The following PPFIA2 variants were observed in gnomAD, a reference collection of about 807,000 sequenced individuals.
PPFIA2 encodes the protein PPFI scaffold protein A2.
PPFIA2 carries 46 observed loss-of-function variants against 175.5 expected under a neutral mutation model. The ratio of observed to expected loss-of-function variants is 0.26; its 90% CI spans 0.21 to 0.34. PPFIA2 has a LOEUF of 0.34. Among genes scored for constraint, PPFIA2 ranks in the 10% least tolerant of loss-of-function variants. The pLI, the probability that PPFIA2 is intolerant of heterozygous loss-of-function variation, is 1.00. For synonymous variants in PPFIA2, 568 were observed against 511.4 expected (o/e 1.11, Z -1.49); for missense variants, 1,179 against 1,506.1 (o/e 0.78, Z 3.60).
chr12:81,578,711 G>C (rs947248213), intron 4 of PPFIA2, among the ~76,000 whole-genome samples: 1 of 151,596 alleles, frequency 6.6e-6, no homozygotes, highest in South Asian at 2.1e-4. Context: ...TAGTGAGAGC[G>C]TAGTTAAATA....
chr12:81,603,201 T>C (rs1389722577), intron 4 of PPFIA2, among the ~76,000 whole-genome samples: 1 of 151,836 alleles, frequency 6.6e-6, no homozygotes, highest in East Asian at 1.9e-4. Context: ...GGGAGAATAT[T>C]GCCTCACTCA....
intron 3 of PPFIA2, among the ~76,000 whole-genome samples, chr12:81,685,686 G>A (rs1421363611): frequency 1.3e-5 from 2 of 152,008 alleles, no homozygotes; most frequent in African/African-American, 4.8e-5. Flanking sequence ...ACATGAGGAA[G>A]AATTTTGAGA....
intron 24 of PPFIA2, among the ~76,000 whole-genome samples, chr12:81,293,213 A>C (rs893973660): frequency 1.3e-5 from 2 of 152,068 alleles, no homozygotes; most frequent in African/African-American, 4.8e-5. Context: ...TATCAGAAAT[A>C]ATATACTTTA....
chr12:81,324,678 A>G (rs917050023), intron 22 of PPFIA2, among the ~76,000 whole-genome samples: 2 of 152,008 alleles, frequency 1.3e-5, no homozygotes, highest in African/African-American at 4.8e-5. Context: ...TAATATTTAA[A>G]TATATTTTTG....
chr12:81,531,524 C>T (rs1364498351), intron 4 of PPFIA2, among the ~76,000 whole-genome samples: 6 of 151,550 alleles, frequency 4.0e-5, no homozygotes, highest in Non-Finnish European at 8.8e-5. Context: ...ATAAATAGAT[C>T]ACATTTAGTC....
intron 28 of PPFIA2, among the ~76,000 whole-genome samples, chr12:81,270,441 A>G (rs1035277356): frequency 2.0e-5 from 3 of 152,206 alleles, no homozygotes; most frequent in Admixed American, 6.5e-5. Context: ...GAAATGATCA[A>G]TTAAAATGAG....
intron 4 of PPFIA2, among the ~76,000 whole-genome samples, chr12:81,581,105 GAA>G (rs1191621146): frequency 6.7e-6 from 1 of 149,252 alleles, no homozygotes. Flanking sequence ...GGCACAGAAA[GAA>G]AGTGTTAGAA....
intron 4 of PPFIA2, among the ~76,000 whole-genome samples, chr12:81,571,958 G>T (rs116222686): frequency 0.01 from 1,596 of 152,084 alleles, 33 homozygotes; most frequent in African/African-American, 0.036. Context: ...CCGTATCTGA[G>T]CCAAAGTGGT....
chr12:81,343,495 C>A (rs2058506788), intron 19 of PPFIA2, among the ~76,000 whole-genome samples: 1 of 151,856 alleles, frequency 6.6e-6, no homozygotes, highest in Non-Finnish European at 1.5e-5. Context: ...CTATTCAAGC[C>A]ATGTAAGAAT....
intron 3 of PPFIA2, among the ~76,000 whole-genome samples, chr12:81,706,330 G>A (rs932843941): frequency 6.6e-6 from 1 of 152,078 alleles, no homozygotes; most frequent in Non-Finnish European, 1.5e-5. Context: ...CATCTAGGGA[G>A]GCTATATTAC....
At chr12:81,681,181 T>C (rs961878930) in intron 3 of PPFIA2, among the ~76,000 whole-genome samples, 1 of 152,028 alleles carries the variant, frequency 6.6e-6, no homozygotes, top group Non-Finnish European at 1.5e-5. Flanking sequence ...CTCAATCATA[T>C]GAATTTTTAT....
intron 4 of PPFIA2, among the ~76,000 whole-genome samples, chr12:81,531,781 G>T (rs1166717582): frequency 1.3e-5 from 2 of 151,594 alleles, no homozygotes; most frequent in African/African-American, 4.8e-5. Context: ...ACACAGGTAA[G>T]GTACCCTTGA....
chr12:81,532,255 G>A (rs980917855), intron 4 of PPFIA2, among the ~76,000 whole-genome samples: 7 of 151,776 alleles, frequency 4.6e-5, no homozygotes, highest in Non-Finnish European at 8.8e-5. Flanking sequence ...GGGTTGTGGG[G>A]TGGACATTTT....
intron 4 of PPFIA2, among the ~76,000 whole-genome samples, chr12:81,542,651 T>G (rs1218680021): frequency 1.3e-5 from 2 of 152,172 alleles, no homozygotes; most frequent in Non-Finnish European, 2.9e-5. Flanking sequence ...GACTCTAGGC[T>G]CCTGACCTCT....
intron 4 of PPFIA2, among the ~76,000 whole-genome samples, chr12:81,608,717 A>C (rs926440558): frequency 6.6e-6 from 1 of 151,858 alleles, no homozygotes; most frequent in African/African-American, 2.4e-5. Flanking sequence ...TAGTATGTCA[A>C]CCTTGCTTAT....
intron 4 of PPFIA2, among the ~76,000 whole-genome samples, chr12:81,657,702 G>C (rs1405016637): frequency 2.6e-5 from 4 of 152,114 alleles, no homozygotes; most frequent in African/African-American, 7.2e-5. Flanking sequence ...AGTTGCAGTA[G>C]CTAGCTTTTG....
chr12:81,690,106 G>T (rs892046987), intron 3 of PPFIA2, among the ~76,000 whole-genome samples: 1 of 152,060 alleles, frequency 6.6e-6, no homozygotes, highest in Non-Finnish European at 1.5e-5. Flanking sequence ...GAATATAGTG[G>T]CATTTTAATG....
chr12:81,455,033 T>G (rs2053335806), intron 5 of PPFIA2, among the ~76,000 whole-genome samples: 1 of 152,102 alleles, frequency 6.6e-6, no homozygotes, highest in South Asian at 2.1e-4. Context: ...GCTTTAAATT[T>G]GCTCACAATC....
chr12:81,388,845 G>C (rs7961641), intron 8 of PPFIA2, among the ~76,000 whole-genome samples: 53,183 of 151,406 alleles, frequency 0.35, 10,089 homozygotes, highest in East Asian at 0.54. Flanking sequence ...GTTAATTTAC[G>C]CTTTACCACA....
Sources: gnomAD v4.1 joint callset for allele counts (sites outside exome capture counted in the v4.1 genomes callset) on GRCh38, gnomAD v4.1.1 for gene constraint, MANE v1.5 for transcripts, NCBI Gene and HGNC (gene_info 2026-07-23, HGNC 2026-07-21) for gene names.